The following TRAPPC6A variants were observed in gnomAD, a reference collection of about 807,000 sequenced individuals.
TRAPPC6A encodes the protein trafficking protein particle complex subunit 6A, also known as TRAPP complex subunit 6A.
TRAPPC6A carries 25 observed loss-of-function variants against 20.8 expected under a neutral mutation model. The observed-to-expected ratio is 1.20, with a 90% CI of 0.88 to 1.68. The LOEUF is 1.68. TRAPPC6A is among the 40% of genes most tolerant of loss of function. The pLI is 0.00. For missense variants in TRAPPC6A, 215 were observed against 211.6 expected (o/e 1.02, Z -0.10); for synonymous variants, 96 against 93.3 (o/e 1.03, Z -0.16).
intron 1 of TRAPPC6A, among the ~76,000 whole-genome samples, chr19:45,177,805 C>G (rs79215453): frequency 0.014 from 2,061 of 152,250 alleles, 52 homozygotes; most frequent in African/African-American, 0.047. Context: ...CTAGGACACA[C>G]AAAGATTAAG....
At position 45,175,625 on chromosome 19, in the gene TRAPPC6A, G is replaced by A. The variant is rs187162859; in HGVS notation, c.84+2510C>T. 3.3e-5 allele frequency among the ~76,000 whole-genome samples: 5 copies of A among 152,234 alleles called. No individual in the cohort carries two copies. In the East Asian group the frequency reaches 9.7e-4, roughly 29 times the overall value. On this transcript the variant is annotated intron_variant, in intron 1 of 5. Transcript: ENST00000585934. Reference sequence around the variant, plus strand: ...TTGTTAGCATGGTGAAGATGTGACAGGTGGAATGGGCTGGGAGAAGGGAGC... The same window carrying A: ...TTGTTAGCATGGTGAAGATGTGACAAGTGGAATGGGCTGGGAGAAGGGAGC...
intron 1 of TRAPPC6A, among the ~76,000 whole-genome samples, chr19:45,170,464 C>G (rs1969246039): frequency 6.6e-6 from 1 of 152,182 alleles, no homozygotes; most frequent in Non-Finnish European, 1.5e-5. Flanking sequence ...CACACCAGGC[C>G]CAGGTCACAG....
chr19:45,164,279 C>T (rs762424156), intron 3 of TRAPPC6A, 32 bp from the exon 4 acceptor site: 57 of 1,476,122 alleles, frequency 3.9e-5, no homozygotes, highest in Middle Eastern at 1.8e-4. Context: ...TGGGTGGGGT[C>T]GGGGCCTGTA....
intron 1 of TRAPPC6A, among the ~76,000 whole-genome samples, chr19:45,177,776 C>T (rs1969422672): frequency 6.6e-6 from 1 of 152,154 alleles, no homozygotes; most frequent in Admixed American, 6.5e-5. Context: ...TTATGATACT[C>T]ATTTTACAAA....
chr19:45,164,154 C>T lies in TRAPPC6A; in HGVS notation c.354+10G>A, dbSNP rs545990220. The T allele has an allele frequency of 1.3e-4, 200 of 1,596,932 alleles. 1 individual carries two copies. In the South Asian group the frequency reaches 2.2e-3, roughly 18 times the overall value. The stretch of plus-strand genomic sequence containing the variant: ...GGGAGGTGTGGACAAGGCCCCAGCT[C>T]CCCCCATACCTTGGGTGCTTCCTCC... On this transcript the variant is annotated intron_variant, in intron 4 of 5. Transcript: ENST00000585934.
In TRAPPC6A at chr19:45,163,892, A is replaced by G; in HGVS notation, c.448+24T>C. On this transcript the variant is annotated intron_variant, in intron 5 of 5. Coordinates refer to ENST00000585934, the MANE Select transcript of TRAPPC6A (RefSeq NM_001270891.2). The surrounding 1 kb of genome is among the most constrained non-coding windows in gnomAD (Gnocchi z 5.3). ...CCCAGCAACTCAAGGGATGAGAAGA[A>G]TCCCCCCACCCCCCATGACTCACAG... is the stretch of plus-strand genomic sequence containing the variant. The G allele has an allele frequency of 6.6e-7, 1 of 1,514,568 alleles. No individual in the cohort carries two copies. Among genetic ancestry groups the G allele is most frequent in the Non-Finnish European group, 9.0e-7 (1 of 1,112,010 alleles). 93.8% of individuals were successfully genotyped at this position (1,514,568 alleles called of 1,614,324 possible). A position where few individuals can be genotyped will look rare whatever the true frequency, so the allele number is the denominator to read the frequency against.
Position 45,163,086 on chromosome 19 carries a change from T to C in TRAPPC6A, c.*106A>G. Reference sequence around the variant, plus strand: ...CCACTTCCTGAGCAAATGTGACCCCTAGGGCCTGGGATTCCCAAGACCACC... The same window carrying C: ...CCACTTCCTGAGCAAATGTGACCCCCAGGGCCTGGGATTCCCAAGACCACC... On this transcript the variant is annotated 3_prime_UTR_variant, in exon 6 of 6. Coordinates refer to ENST00000585934, the MANE Select transcript of TRAPPC6A (RefSeq NM_001270891.2). The surrounding 1 kb of genome is among the most constrained non-coding windows in gnomAD (Gnocchi z 5.3). 7.2e-6 allele frequency: 10 copies of C among 1,383,154 alleles called. No individual in the cohort carries two copies. The highest frequency in any genetic ancestry group is 1.0e-5 in the Non-Finnish European group (10 of 989,748). 85.7% of individuals were successfully genotyped at this position (1,383,154 alleles called of 1,614,324 possible). A position where few individuals can be genotyped will look rare whatever the true frequency, so the allele number is the denominator to read the frequency against.
Position 45,164,669 on chromosome 19 carries a change from C to G in TRAPPC6A, c.270+184G>C, listed in dbSNP as rs373621503. ...GCTGGAGAAGTTCCGGAAACACCCC[C>G]TATGCCCCAGCGCAGCCTCCTGGCT... On this transcript the variant is annotated intron_variant, in intron 3 of 5. Coordinates refer to ENST00000585934, the MANE Select transcript of TRAPPC6A (RefSeq NM_001270891.2). 51 of 627,222 alleles carry G rather than the reference C, an allele frequency of 8.1e-5. 1 individual carries two copies. The African/African-American group carries it at 8.8e-4, about 11-fold the overall frequency. 38.9% of individuals were successfully genotyped at this position (627,222 alleles called of 1,614,324 possible).
At position 45,163,917 on chromosome 19, in the gene TRAPPC6A, G is replaced by A. The variant is rs1411797781; in HGVS notation, c.447C>T (p.Val149=). Residue 149 remains valine (V), a splice_region_variant and synonymous_variant, in exon 5 of 6, where the codon GTC becomes GTT. Transcript: ENST00000585934. This position sits in a 1 kb window ranked among gnomAD's most constrained non-coding sequence, Gnocchi z 5.3. ...VVTASVAALP[V]CKFQVVIPKS is the part of the protein sequence containing the mutation. ...ATCCCCCCACCCCCCATGACTCACA[G>A]ACGGGCAGGGCTGCCACGGAGGCGG... is the stretch of plus-strand genomic sequence containing the variant. 9.5e-6 allele frequency: 15 copies of A among 1,573,964 alleles called. No homozygotes were observed. The highest frequency in any genetic ancestry group is 1.3e-5 in the Non-Finnish European group (15 of 1,159,658).
At chr19:45,175,405 C>T (rs961520055) in intron 1 of TRAPPC6A, among the ~76,000 whole-genome samples, 53 of 141,596 alleles carry the variant, frequency 3.7e-4, no homozygotes, top group Admixed American at 8.7e-4. Flanking sequence ...CCAGCCTGGG[C>T]GACAGAGCGA....
At chr19:45,164,300 G>A (rs1006977093) in intron 3 of TRAPPC6A, 53 bp from the exon 4 acceptor site, 69 of 1,259,576 alleles carry the variant, frequency 5.5e-5, no homozygotes, top group South Asian at 2.2e-4. Context: ...CATTTGAAGC[G>A]CAGGGAGGGT....
At position 45,164,972 on chromosome 19, in the gene TRAPPC6A, T is replaced by C. The variant is rs750703007; in HGVS notation, c.153-2A>G. On this transcript the variant is annotated splice_acceptor_variant, in intron 2 of 5. Transcript: ENST00000585934. LOFTEE classifies it high-confidence loss of function. ...AAGGCCAGCGTCTCCCGGGGCAGCC[T>C]GGTGGGGCAGTACCAAGCTGAGGCC... 1.2e-6 allele frequency: 2 copies of C among 1,613,946 alleles called. No individual in the cohort carries two copies. Among genetic ancestry groups the C allele is most frequent in the Non-Finnish European group, 1.7e-6 (2 of 1,179,906 alleles).
rs766340151 is a variant in TRAPPC6A at position 45,178,134 on chromosome 19, C to T, written c.84+1G>A. The T allele has an allele frequency of 6.2e-7, 1 of 1,613,088 alleles. No individual in the cohort carries two copies. Among genetic ancestry groups the T allele is most frequent in the Non-Finnish European group, 8.5e-7 (1 of 1,179,380 alleles). On this transcript the variant is annotated splice_donor_variant, in intron 1 of 5. Transcript: ENST00000585934. LOFTEE classifies it high-confidence loss of function. ...TCCTCCCCACGGAGCCCGGCGCTCA[C>T]CCCCGGGCCGGGGTCGGGGTCGTGA...
chr19:45,171,702 G>A (rs1161449990), intron 1 of TRAPPC6A, among the ~76,000 whole-genome samples: 1 of 152,186 alleles, frequency 6.6e-6, no homozygotes, highest in African/African-American at 2.4e-5. Flanking sequence ...AAGAGATGCA[G>A]GAAGTCTAAT....
rs1408273402 is a variant in TRAPPC6A at position 45,165,146 on chromosome 19, C to G, written c.133G>C (p.Gly45Arg). 6.2e-7 allele frequency: 1 copy of G among 1,611,040 alleles called. No homozygotes were observed. Among genetic ancestry groups the G allele is most frequent in the East Asian group, 2.2e-5 (1 of 44,544 alleles). ...SVLEGMGFRV[G>R]QALGERLPRE... ...GCTCACCTCTCGCCTAGAGCCTGGC[C>G]CACACGGAACCCCATACCCTCCAGG... Residue 45 changes from glycine (G) to arginine (R), a missense_variant, in exon 2 of 6, where the codon GGC becomes CGC. Physicochemically the swap from Gly to Arg is moderately radical, Grantham distance 125 (BLOSUM62 -2). Coordinates refer to ENST00000585934, the MANE Select transcript of TRAPPC6A (RefSeq NM_001270891.2).
intron 1 of TRAPPC6A, 115 bp downstream of exon 1, chr19:45,178,020 C>T (rs567609212): frequency 1.4e-5 from 22 of 1,550,350 alleles, no homozygotes; most frequent in East Asian, 7.2e-5. Context: ...CAGACGTTGC[C>T]CTGCAAGGCC....
intron 1 of TRAPPC6A, among the ~76,000 whole-genome samples, chr19:45,175,269 A>G (rs1969344340): frequency 2.1e-5 from 3 of 146,336 alleles, no homozygotes; most frequent in South Asian, 2.2e-4. Context: ...TCAAAAAAAA[A>G]AAAAAAAATT....
Position 45,173,970 on chromosome 19 carries a change from T to C in TRAPPC6A, c.84+4165A>G, listed in dbSNP as rs1969313869. On this transcript the variant is annotated intron_variant, in intron 1 of 5. Transcript: ENST00000585934. The surrounding 1 kb of genome is among the most constrained non-coding windows in gnomAD (Gnocchi z 4.8). Reference sequence around the variant, plus strand: ...ACCCCTGCCCAAGGTCCCAGGCACATTCGTGTGCTCTGAAAGGCTGGTGGT... The same window carrying C: ...ACCCCTGCCCAAGGTCCCAGGCACACTCGTGTGCTCTGAAAGGCTGGTGGT... Among the ~76,000 whole-genome samples, 1 of 152,174 alleles carries C rather than the reference T, an allele frequency of 6.6e-6. No homozygotes were observed. Among genetic ancestry groups the C allele is most frequent in the African/African-American group, 2.4e-5 (1 of 41,438 alleles).
At chr19:45,165,070 G>A (rs943743497) in intron 2 of TRAPPC6A, 57 bp downstream of exon 2, 20 of 1,609,754 alleles carry the variant, frequency 1.2e-5, no homozygotes, top group Middle Eastern at 1.7e-4. Context: ...CTCCCCGCCC[G>A]GGGCCTGCCC....
Sources: gnomAD v4.1 joint callset for allele counts (sites outside exome capture counted in the v4.1 genomes callset) on GRCh38, gnomAD v4.1.1 for gene constraint, Gnocchi (gnomAD v3.1) non-coding constraint, MANE v1.5 for transcripts, NCBI Gene and HGNC (gene_info 2026-07-23, HGNC 2026-07-21) for gene names.